The following NCALD variants were observed in gnomAD, a reference collection of about 807,000 sequenced individuals.
NCALD encodes the protein neurocalcin-delta.
Under a neutral mutation model 18.6 loss-of-function variants are expected in NCALD, and 10 were observed. The ratio of observed to expected loss-of-function variants is 0.54; its 90% CI spans 0.33 to 0.91. The LOEUF (loss-of-function observed/expected upper bound fraction) is 0.91. Ranked by LOEUF, NCALD falls within the 40% of genes least tolerant of loss-of-function variation. NCALD has a pLI of 0.03. For missense variants in NCALD, 184 were observed against 247.6 expected, an observed-to-expected ratio of 0.74 and a Z score of 1.72; for synonymous variants, 88 against 87.4, an observed-to-expected ratio of 1.01 and a Z score of -0.04.
intron 1 of NCALD, among the ~76,000 whole-genome samples, chr8:102,073,236 G>A (rs1417927202): frequency 1.3e-5 from 2 of 152,146 alleles, no homozygotes; most frequent in South Asian, 2.1e-4. Context: ...GGGAGGCAGA[G>A]GTTGCAGTGA....
rs542836117 is a variant in NCALD at position 101,798,863 on chromosome 8, C to A, written c.-19-79215G>T. ...CCAATAGCTCACCACATAAATATGA[C>A]CAATGGATTTTTGACAAATCTGCAA... On this transcript the variant is annotated intron_variant, in intron 4 of 6. Transcript: ENST00000311028. 3.3e-5 allele frequency among the ~76,000 whole-genome samples: 5 copies of A among 152,204 alleles called. No individual in the cohort carries two copies. In the South Asian group the frequency reaches 1.0e-3, roughly 32 times the overall value.
intron 1 of NCALD, among the ~76,000 whole-genome samples, chr8:102,090,856 AT>A (rs1208686767): frequency 6.6e-6 from 1 of 152,184 alleles, no homozygotes; most frequent in Non-Finnish European, 1.5e-5. Flanking sequence ...GAAACTGGTT[AT>A]TTTACCAAGG....
intron 2 of NCALD, among the ~76,000 whole-genome samples, chr8:101,941,237 C>T (rs75265081): frequency 0.026 from 3,985 of 152,246 alleles, 196 homozygotes; most frequent in African/African-American, 0.09. Context: ...GACATGGTTT[C>T]GGGATGAAAC....
chr8:102,095,345 G>A (rs928155819), intron 1 of NCALD, among the ~76,000 whole-genome samples: 13 of 152,174 alleles, frequency 8.5e-5, no homozygotes, highest in South Asian at 4.1e-4. Flanking sequence ...TAAAGAACAC[G>A]TGTTCTGATG....
intron 2 of NCALD, among the ~76,000 whole-genome samples, chr8:101,704,046 G>T (rs922347266): frequency 6.6e-6 from 1 of 152,196 alleles, no homozygotes; most frequent in African/African-American, 2.4e-5. Context: ...AGTCAGAAAG[G>T]TCTGGCCTCA....
intron 1 of NCALD, among the ~76,000 whole-genome samples, chr8:102,086,104 T>C (rs898934727): frequency 2.6e-5 from 4 of 152,196 alleles, no homozygotes; most frequent in Admixed American, 2.0e-4. Context: ...TTCTCAATTA[T>C]TTCTCAAATT....
chr8:101,797,387 ATTAACT>A (rs1440270783), intron 4 of NCALD, among the ~76,000 whole-genome samples: 1 of 152,250 alleles, frequency 6.6e-6, no homozygotes, highest in Non-Finnish European at 1.5e-5. Flanking sequence ...AAAACACCAC[ATTAACT>A]TTAAAGGAGC....
At chr8:102,078,725 G>T (rs192321584) in intron 1 of NCALD, among the ~76,000 whole-genome samples, 55 of 152,278 alleles carry the variant, frequency 3.6e-4, no homozygotes, top group African/African-American at 1.3e-3. Flanking sequence ...CTATTCAAAT[G>T]CTCCTTCGAC....
intron 1 of NCALD, among the ~76,000 whole-genome samples, chr8:101,765,393 C>T (rs750977814): frequency 5.9e-5 from 9 of 152,154 alleles, no homozygotes; most frequent in Non-Finnish European, 1.0e-4. Flanking sequence ...TCATCACTAT[C>T]CTTGGCAATG....
At chr8:101,717,699 G>T (rs186515685) in intron 2 of NCALD, among the ~76,000 whole-genome samples, 2 of 151,838 alleles carry the variant, frequency 1.3e-5, no homozygotes, top group East Asian at 3.9e-4. Context: ...AAGAAAAGAC[G>T]GCCAGACAAA....
At chr8:101,808,604 AG>A (rs1417674641) in intron 4 of NCALD, among the ~76,000 whole-genome samples, 1 of 152,224 alleles carries the variant, frequency 6.6e-6, no homozygotes, top group Non-Finnish European at 1.5e-5. Context: ...GGATGTAAAT[AG>A]ATATGTCATG....
intron 1 of NCALD, among the ~76,000 whole-genome samples, chr8:102,113,746 G>A (rs550414293): frequency 2.0e-4 from 30 of 152,216 alleles, no homozygotes; most frequent in South Asian, 4.1e-4. Flanking sequence ...TTATGTAGTC[G>A]TCTTATATTT....
chr8:101,887,374 T>G (rs1396974483), intron 3 of NCALD: 1 of 152,178 alleles, frequency 6.6e-6, no homozygotes, highest in Non-Finnish European at 1.5e-5. Flanking sequence ...CTGACGTGTA[T>G]CAGCCTAATT....
chr8:101,972,412 T>C (rs1820275654), intron 2 of NCALD, among the ~76,000 whole-genome samples: 1 of 152,210 alleles, frequency 6.6e-6, no homozygotes, highest in South Asian at 2.1e-4. Context: ...ATAACCCATC[T>C]GCTACTCCAG....
At chr8:101,809,469 A>G (rs1358342182) in intron 4 of NCALD, among the ~76,000 whole-genome samples, 1 of 152,206 alleles carries the variant, frequency 6.6e-6, no homozygotes, top group Non-Finnish European at 1.5e-5. Flanking sequence ...AAGTTACAAA[A>G]TATTATTTTT....
At chr8:101,995,748 T>C (rs1013188121) in intron 2 of NCALD, among the ~76,000 whole-genome samples, 2 of 152,112 alleles carry the variant, frequency 1.3e-5, no homozygotes, top group Non-Finnish European at 2.9e-5. Flanking sequence ...TGGAGACATA[T>C]ATCCAAACTA....
chr8:101,710,162 A>G (rs1054037695), intron 2 of NCALD, among the ~76,000 whole-genome samples: 4 of 152,158 alleles, frequency 2.6e-5, no homozygotes, highest in African/African-American at 7.2e-5. Context: ...TCACCTGGGA[A>G]GTGCAAGGGG....
At chr8:101,957,792 T>C (rs1819692144) in intron 2 of NCALD, among the ~76,000 whole-genome samples, 1 of 152,108 alleles carries the variant, frequency 6.6e-6, no homozygotes, top group Non-Finnish European at 1.5e-5. Context: ...AGACATGTAA[T>C]GCAGATCTCC....
intron 4 of NCALD, among the ~76,000 whole-genome samples, chr8:101,797,746 G>A (rs769488976): frequency 5.9e-5 from 9 of 151,818 alleles, no homozygotes; most frequent in Non-Finnish European, 1.3e-4. Context: ...AACCTGGGAG[G>A]CAGAGGTAGC....
Sources: gnomAD v4.1 joint callset for allele counts (sites outside exome capture counted in the v4.1 genomes callset) on GRCh38, gnomAD v4.1.1 for gene constraint, MANE v1.5 for transcripts, NCBI Gene and HGNC (gene_info 2026-07-23, HGNC 2026-07-21) for gene names.